The following STAU2 variants were observed in gnomAD, a reference collection of about 807,000 sequenced individuals.
The protein encoded by STAU2 is double-stranded RNA-binding protein Staufen homolog 2.
STAU2 carries 20 observed loss-of-function variants against 65.9 expected under a neutral mutation model. The observed-to-expected ratio is 0.30, with a 90% confidence interval of 0.21 to 0.44. The LOEUF is 0.44. STAU2 is among the 20% of genes least tolerant of loss of function. The pLI is 1.00. For synonymous variants in STAU2, 232 were observed against 233.9 expected (o/e 0.99, Z 0.07); for missense variants, 558 against 683.9 (o/e 0.82, Z 2.05).
intron 6 of STAU2, among the ~76,000 whole-genome samples, chr8:73,656,050 T>C (rs1009188460): frequency 3.3e-5 from 5 of 152,184 alleles, no homozygotes; most frequent in South Asian, 2.1e-4. Context: ...CCCGAAGTGC[T>C]GGGATTACAG....
intron 6 of STAU2, among the ~76,000 whole-genome samples, chr8:73,637,477 T>TAAAAAAGAAAAAAAAAAAAAA (rs1814618868): frequency 1.8e-5 from 1 of 57,086 alleles, no homozygotes; most frequent in Admixed American, 2.9e-4. Context: ...GTGCTGAAAG[T>TAAAAAAGAAAAAAAAAAAAAA]AAAAAAAAAA....
intron 13 of STAU2, among the ~76,000 whole-genome samples, chr8:73,427,802 T>C (rs1411399648): frequency 1.3e-5 from 2 of 152,282 alleles, no homozygotes; most frequent in Non-Finnish European, 1.5e-5. Flanking sequence ...AAGTTCTTTG[T>C]ATATTCAACA....
Position 73,709,158 on chromosome 8 carries a change from A to G in STAU2, c.-13T>C. The G allele has an allele frequency of 6.6e-7, 1 of 1,512,750 alleles. No individual in the cohort carries two copies. Among genetic ancestry groups the G allele is most frequent in the Non-Finnish European group, 8.8e-7 (1 of 1,135,062 alleles). 93.7% of individuals were successfully genotyped at this position (1,512,750 alleles called of 1,614,324 possible). On this transcript the variant is annotated 5_prime_UTR_variant, in exon 4 of 15. Coordinates refer to ENST00000524300, the MANE Select transcript of STAU2 (RefSeq NM_001164380.2). ...TTGGGTTTGCCATTTTATCTTGGAG[A>G]GAAGCTGTAAATAAAAAGGCTATAA...
At chr8:73,610,259 A>G (rs7840644) in intron 9 of STAU2, among the ~76,000 whole-genome samples, 27,534 of 146,698 alleles carry the variant, frequency 0.19, 2,772 homozygotes, top group African/African-American at 0.27. Flanking sequence ...CTGGGCAACA[A>G]GTGAGACCCT....
chr8:73,435,578 G>T (rs1269880033), intron 13 of STAU2, among the ~76,000 whole-genome samples: 1 of 151,842 alleles, frequency 6.6e-6, no homozygotes, highest in Non-Finnish European at 1.5e-5. Flanking sequence ...CGGCCAAAAT[G>T]CAAAGGGATA....
chr8:73,527,890 T>TCAGGAAAATTAAAATAATTTA, intron 13 of STAU2: 1 of 813,962 alleles, frequency 1.2e-6, no homozygotes, highest in Non-Finnish European at 1.9e-6. Context: ...GGTCTAGATT[T>TCAGGAAAATTAAAATAATTTA]CACAGAACAC....
chr8:73,729,917 T>C (rs1805926235), intron 3 of STAU2, among the ~76,000 whole-genome samples: 1 of 152,216 alleles, frequency 6.6e-6, no homozygotes, highest in Non-Finnish European at 1.5e-5. Flanking sequence ...TACCTATCTG[T>C]GTTTTTTCTT....
At chr8:73,604,723 A>G (rs1221631705) in intron 9 of STAU2, among the ~76,000 whole-genome samples, 1 of 152,236 alleles carries the variant, frequency 6.6e-6, no homozygotes, top group Non-Finnish European at 1.5e-5. Flanking sequence ...TAAAAACCTC[A>G]GTGAGTTACT....
chr8:73,567,698 C>T (rs1808719441), intron 12 of STAU2, among the ~76,000 whole-genome samples: 1 of 151,914 alleles, frequency 6.6e-6, no homozygotes, highest in Admixed American at 6.6e-5. Context: ...TAGGCATGTG[C>T]CACACCATGC....
intron 13 of STAU2, among the ~76,000 whole-genome samples, chr8:73,478,768 C>G (rs188473775): frequency 1.3e-5 from 2 of 151,806 alleles, no homozygotes; most frequent in Admixed American, 1.3e-4. Flanking sequence ...CTTCACCCCC[C>G]AAAAATCATT....
At chr8:73,423,866 T>G (rs1816584079) in intron 13 of STAU2, among the ~76,000 whole-genome samples, 1 of 152,228 alleles carries the variant, frequency 6.6e-6, no homozygotes, top group South Asian at 2.1e-4. Flanking sequence ...TATGGTACAT[T>G]TGTTATAGCT....
At chr8:73,425,372 A>T (rs1447123394) in intron 13 of STAU2, among the ~76,000 whole-genome samples, 2 of 152,172 alleles carry the variant, frequency 1.3e-5, no homozygotes, top group East Asian at 3.9e-4. Flanking sequence ...GTGATGCCGC[A>T]GCAGCCAAGG....
chr8:73,603,407 C>T (rs1415127233), intron 10 of STAU2, among the ~76,000 whole-genome samples: 1 of 152,152 alleles, frequency 6.6e-6, no homozygotes, highest in Non-Finnish European at 1.5e-5. Flanking sequence ...CCATGTGTCT[C>T]CAATTCCCAG....
intron 13 of STAU2, among the ~76,000 whole-genome samples, chr8:73,431,398 T>C (rs1172742694): frequency 1.3e-5 from 2 of 152,222 alleles, no homozygotes; most frequent in African/African-American, 4.8e-5. Flanking sequence ...AAGCAATAAA[T>C]GTAGCTTCCT....
At chr8:73,659,525 G>A (rs1183010258) in intron 6 of STAU2, among the ~76,000 whole-genome samples, 2 of 152,052 alleles carry the variant, frequency 1.3e-5, no homozygotes, top group African/African-American at 2.4e-5. Context: ...CAACAAGAGC[G>A]AAACTCTGTC....
At position 73,674,910 on chromosome 8, in the gene STAU2, GA is replaced by G. The variant is rs576391074; in HGVS notation, c.275-1669del. ...AATTCATGATGTATTTTCTCTTAAG[GA>G]AAAAAAAAAGTACTAGGTATTTCCT... On this transcript the variant is annotated intron_variant, in intron 5 of 14. Transcript: ENST00000524300. Among the ~76,000 whole-genome samples, 72 of 146,214 alleles carry G rather than the reference GA, an allele frequency of 4.9e-4. 1 individual carries two copies. The highest frequency in any genetic ancestry group is 2.0e-3 in the Admixed American group (29 of 14,676).
intron 13 of STAU2, among the ~76,000 whole-genome samples, chr8:73,458,079 A>AC (rs1819164089): frequency 6.6e-6 from 1 of 152,120 alleles, no homozygotes; most frequent in Non-Finnish European, 1.5e-5. Context: ...GCTGAATATC[A>AC]CTCCCATTAA....
intron 9 of STAU2, among the ~76,000 whole-genome samples, chr8:73,604,432 G>A (rs1022351740): frequency 6.6e-6 from 1 of 152,008 alleles, no homozygotes; most frequent in Non-Finnish European, 1.5e-5. Flanking sequence ...GTTTCATCAT[G>A]TTGGCCAACC....
intron 13 of STAU2, among the ~76,000 whole-genome samples, chr8:73,447,324 C>CT (rs1051694055): frequency 3.9e-5 from 6 of 152,188 alleles, no homozygotes; most frequent in East Asian, 1.9e-4. Flanking sequence ...TCTTCTGCAA[C>CT]TTTTTTTTCC....
Sources: allele counts gnomAD v4.1 joint callset (sites outside exome capture counted in the v4.1 genomes callset), GRCh38; gene constraint gnomAD v4.1.1; transcripts MANE v1.5; gene names NCBI Gene and HGNC (gene_info 2026-07-23, HGNC 2026-07-21).